Variants in CRTAC1 observed in about 807,000 individuals in gnomAD.
CRTAC1 encodes the protein acidic secreted protein in cartilage.
In CRTAC1, 37 loss-of-function variants were observed where a neutral mutation model predicts 67.8. The ratio of observed to expected loss-of-function variants is 0.55; its 90% CI spans 0.42 to 0.72. The LOEUF is 0.72. CRTAC1 is among the 30% of genes least tolerant of loss of function. CRTAC1 has a pLI of 0.00. For synonymous variants in CRTAC1, 348 were observed against 371.0 expected, an observed-to-expected ratio of 0.94 and a Z score of 0.71; for missense variants, 780 against 931.6, an observed-to-expected ratio of 0.84 and a Z score of 2.12.
chr10:97,920,363 G>A (rs2050819226), intron 4 of CRTAC1, among the ~76,000 whole-genome samples: 1 of 152,206 alleles, frequency 6.6e-6, no homozygotes, highest in Non-Finnish European at 1.5e-5. Context: ...AAATTCATAT[G>A]TGAACTTGAC....
chr10:97,947,298 C>A (rs960399315), intron 2 of CRTAC1, among the ~76,000 whole-genome samples: 4 of 152,124 alleles, frequency 2.6e-5, no homozygotes, highest in Admixed American at 2.0e-4. Flanking sequence ...CCTAGTATAG[C>A]AAATAAGGAG....
intron 2 of CRTAC1, among the ~76,000 whole-genome samples, chr10:97,965,587 C>T (rs995504494): frequency 6.6e-6 from 1 of 152,024 alleles, no homozygotes; most frequent in African/African-American, 2.4e-5. Context: ...GAAAGTTATT[C>T]TCTATACTGA....
chr10:97,936,455 C>T (rs1378946132), intron 2 of CRTAC1, 89 bp from the exon 3 acceptor site: 8 of 1,064,902 alleles, frequency 7.5e-6, no homozygotes, highest in Non-Finnish European at 1.1e-5. Context: ...GGGAGTCCTC[C>T]CGGACACGCC....
chr10:97,964,401 G>T (rs2051580820), intron 2 of CRTAC1, among the ~76,000 whole-genome samples: 2 of 152,234 alleles, frequency 1.3e-5, no homozygotes, highest in South Asian at 2.1e-4. Flanking sequence ...CTGCAGCAAT[G>T]CAGAGGAGTT....
At chr10:97,964,995 T>C (rs2051592119) in intron 2 of CRTAC1, among the ~76,000 whole-genome samples, 1 of 152,190 alleles carries the variant, frequency 6.6e-6, no homozygotes. Flanking sequence ...CACTGGGCTG[T>C]GCTCTCTCTC....
At chr10:97,892,671 C>A (rs2050395029) in intron 11 of CRTAC1, among the ~76,000 whole-genome samples, 1 of 152,220 alleles carries the variant, frequency 6.6e-6, no homozygotes, top group South Asian at 2.1e-4. Flanking sequence ...GCAAACCACT[C>A]AGCCCAGTGC....
chr10:97,906,504 G>A (rs76896494), intron 6 of CRTAC1, among the ~76,000 whole-genome samples: 2,689 of 152,122 alleles, frequency 0.018, 74 homozygotes, highest in African/African-American at 0.058. Context: ...CTCTCCTCCC[G>A]CCTGATACCT....
intron 2 of CRTAC1, among the ~76,000 whole-genome samples, chr10:97,988,176 CTTTCTCAAGGCTCAGTTAATCTGG>C (rs1189058881): frequency 1.4e-5 from 2 of 146,888 alleles, no homozygotes; most frequent in Admixed American, 1.4e-4. Flanking sequence ...CCCTTTGCTG[CTTTCTCAAGGCTCAGTTAATCTGG>C]TCTTAACTTT....
intron 2 of CRTAC1, among the ~76,000 whole-genome samples, chr10:97,996,659 T>G (rs2136678569): frequency 1.3e-5 from 2 of 152,318 alleles, no homozygotes; most frequent in Non-Finnish European, 2.9e-5. Flanking sequence ...GTTCAACCAT[T>G]GTGGAAGTTG....
chr10:98,019,854 C>A (rs942975757), intron 1 of CRTAC1, among the ~76,000 whole-genome samples: 1 of 152,208 alleles, frequency 6.6e-6, no homozygotes, highest in African/African-American at 2.4e-5. Flanking sequence ...CTCCACCTGC[C>A]TGAGCCCCAC....
intron 6 of CRTAC1, among the ~76,000 whole-genome samples, chr10:97,907,019 C>G (rs2050621621): frequency 6.6e-6 from 1 of 152,210 alleles, no homozygotes; most frequent in Admixed American, 6.5e-5. Context: ...ACCTCCCATT[C>G]ATTGGCAAGG....
chr10:97,923,454 C>G, intron 3 of CRTAC1, 54 bp from the exon 4 acceptor site: 1 of 1,609,800 alleles, frequency 6.2e-7, no homozygotes, highest in African/African-American at 1.3e-5. Context: ...GGTCTTGGTT[C>G]TGATCTCTGG....
chr10:97,895,983 C>T lies in CRTAC1; in HGVS notation c.1219G>A (p.Gly407Ser). 2 of 1,613,664 alleles carry T rather than the reference C, an allele frequency of 1.2e-6. No homozygotes were observed. Among genetic ancestry groups the T allele is most frequent in the South Asian group, 2.2e-5 (2 of 91,058 alleles). Residue 407 changes from glycine (G) to serine (S), a missense_variant and splice_region_variant, in exon 10 of 15, where the codon GGT becomes AGT. Transcript: ENST00000370597. This position sits in a 1 kb window ranked among gnomAD's most constrained non-coding sequence, Gnocchi z 4.2. ...TCTCCGTCGAAGTCGGTCACCACAC[C>T]CCCTACAAACAATGCAGATTTCACC... ...ALEPEGRGTG[G>S]VVTDFDGDGM...
At chr10:97,970,285 C>A (rs955597508) in intron 2 of CRTAC1, among the ~76,000 whole-genome samples, 1 of 152,206 alleles carries the variant, frequency 6.6e-6, no homozygotes, top group Non-Finnish European at 1.5e-5. Flanking sequence ...TTCCTGACAG[C>A]TCTCAGCTTC....
chr10:97,951,461 G>A (rs2051354025), intron 2 of CRTAC1, among the ~76,000 whole-genome samples: 1 of 152,132 alleles, frequency 6.6e-6, no homozygotes, highest in South Asian at 2.1e-4. Flanking sequence ...CATTCAGAGG[G>A]GTCTTTGTTG....
At chr10:97,948,047 G>T (rs558145388) in intron 2 of CRTAC1, among the ~76,000 whole-genome samples, 1 of 149,668 alleles carries the variant, frequency 6.7e-6, no homozygotes, top group Non-Finnish European at 1.5e-5. Context: ...CCAAGGAAGA[G>T]AATTGAAATG....
intron 8 of CRTAC1, among the ~76,000 whole-genome samples, chr10:97,898,732 T>G (rs1413259827): frequency 6.6e-6 from 1 of 151,322 alleles, no homozygotes; most frequent in Non-Finnish European, 1.5e-5. Flanking sequence ...CTGGGGGAGG[T>G]GCAGGAATCT....
intron 5 of CRTAC1, among the ~76,000 whole-genome samples, chr10:97,915,005 C>T (rs1356890061): frequency 2.0e-5 from 3 of 152,120 alleles, no homozygotes; most frequent in South Asian, 4.1e-4. Context: ...TCCCCTCCCC[C>T]TCCCGCAGTG....
intron 11 of CRTAC1, among the ~76,000 whole-genome samples, chr10:97,885,845 C>T (rs1263159899): frequency 6.6e-6 from 1 of 152,200 alleles, no homozygotes; most frequent in Non-Finnish European, 1.5e-5. Context: ...CATTCCCAGG[C>T]TAAATAATAT....
Sources: gnomAD v4.1 joint callset for allele counts (sites outside exome capture counted in the v4.1 genomes callset) on GRCh38, gnomAD v4.1.1 for gene constraint, Gnocchi (gnomAD v3.1) non-coding constraint, MANE v1.5 for transcripts, NCBI Gene and HGNC (gene_info 2026-07-23, HGNC 2026-07-21) for gene names.